The following AP1S3 variants were observed in gnomAD, a reference collection of about 807,000 sequenced individuals.
The protein encoded by AP1S3 is adaptor related protein complex 1 subunit sigma 3, also known as AP-1 complex subunit sigma-3.
Under a neutral mutation model 20.9 loss-of-function variants are expected in AP1S3, and 10 were observed. The ratio of observed to expected loss-of-function variants is 0.48; its 90% confidence interval spans 0.29 to 0.81. The LOEUF is 0.81. Ranked by LOEUF, AP1S3 falls within the 30% of genes least tolerant of loss-of-function variation. The probability of loss-of-function intolerance (pLI) is 0.08; values close to 1 mark genes in which losing one functional copy is unlikely to be tolerated. For missense variants in AP1S3, 154 were observed against 183.8 expected, an observed-to-expected ratio of 0.84 and a Z score of 0.94; for synonymous variants, 41 against 61.5, an observed-to-expected ratio of 0.67 and a Z score of 1.56.
In AP1S3 at chr2:223,756,531, A is replaced by G. The variant is rs1690226796; in HGVS notation, c.*2184T>C. On this transcript the variant is annotated 3_prime_UTR_variant, in exon 5 of 5. Coordinates refer to ENST00000396654, the MANE Select transcript of AP1S3 (RefSeq NM_001039569.2). ...ACACATTAAAAAGTTAAACCACAAA[A>G]CTGAAGGTTAGCTAAAGTAAACACA... 1 of 985,316 alleles carries G rather than the reference A, an allele frequency of 1.0e-6. No homozygotes were observed. Among genetic ancestry groups the G allele is most frequent in the East Asian group, 1.1e-4 (1 of 8,814 alleles). The allele number at this position is 985,316 out of a possible 1,614,324, so 61.0% of individuals were successfully genotyped here. A position where few individuals can be genotyped will look rare whatever the true frequency, so the allele number is the denominator to read the frequency against.
rs191980614 is a variant in AP1S3, at chr2:223,779,725, T to G, written c.4-1856A>C. ...GCTCACGCCTGTAATCCCAGCACTT[T>G]GGGAGGCCGAGGTGGGTGGATCACC... On this transcript the variant is annotated intron_variant, in intron 1 of 4. Coordinates refer to ENST00000396654, the MANE Select transcript of AP1S3 (RefSeq NM_001039569.2). 2.4e-3 allele frequency among the ~76,000 whole-genome samples: 371 copies of G among 152,240 alleles called. 1 individual carries two copies. Among genetic ancestry groups the G allele is most frequent in the Admixed American group, 5.1e-3 (78 of 15,288 alleles).
intron 3 of AP1S3, among the ~76,000 whole-genome samples, chr2:223,772,525 G>C (rs570843747): frequency 6.6e-6 from 1 of 152,272 alleles, no homozygotes; most frequent in South Asian, 2.1e-4. Flanking sequence ...TAAATCCTCA[G>C]ACTCTTATCT....
intron 1 of AP1S3, among the ~76,000 whole-genome samples, chr2:223,822,701 T>A (rs1692019353): frequency 1.3e-5 from 2 of 151,526 alleles, no homozygotes; most frequent in Non-Finnish European, 2.9e-5. Flanking sequence ...ATAAATAAAG[T>A]AAAAATAAAA....
At chr2:223,792,294 A>C (rs1691230542) in intron 1 of AP1S3, among the ~76,000 whole-genome samples, 1 of 146,236 alleles carries the variant, frequency 6.8e-6, no homozygotes, top group South Asian at 2.1e-4. Flanking sequence ...ACTATGCTAC[A>C]AGGCTATAAT....
intron 1 of AP1S3, among the ~76,000 whole-genome samples, chr2:223,778,111 G>GT (rs200511089): frequency 0.028 from 4,127 of 149,570 alleles, 178 homozygotes; most frequent in African/African-American, 0.093. Flanking sequence ...GTTTTTTTTT[G>GT]TTTTTTTTGT....
intron 1 of AP1S3, among the ~76,000 whole-genome samples, chr2:223,802,832 T>A (rs1382731472): frequency 6.6e-6 from 1 of 152,228 alleles, no homozygotes; most frequent in Non-Finnish European, 1.5e-5. Flanking sequence ...TTCTGGAAAC[T>A]AAATAATCTG....
At chr2:223,836,364 G>A (rs1260942121) in intron 1 of AP1S3, among the ~76,000 whole-genome samples, 1 of 152,194 alleles carries the variant, frequency 6.6e-6, no homozygotes, top group Admixed American at 6.5e-5. Context: ...CTCATCAGCA[G>A]GGCTGCGGCC....
At chr2:223,772,964 C>T (rs1329437840) in intron 3 of AP1S3, among the ~76,000 whole-genome samples, 2 of 152,156 alleles carry the variant, frequency 1.3e-5, no homozygotes, top group Non-Finnish European at 2.9e-5. Flanking sequence ...CTGCTCTTAG[C>T]TTAATGAAAG....
chr2:223,825,100 G>A (rs1692093576), intron 1 of AP1S3, among the ~76,000 whole-genome samples: 1 of 151,836 alleles, frequency 6.6e-6, no homozygotes, highest in East Asian at 2.0e-4. Context: ...ACGAGGTCAG[G>A]AGATCTAGAC....
intron 1 of AP1S3, among the ~76,000 whole-genome samples, chr2:223,782,001 G>C (rs576064848): frequency 1.3e-5 from 2 of 150,732 alleles, no homozygotes; most frequent in African/African-American, 4.9e-5. Flanking sequence ...TTTGGAGATA[G>C]GCTTTAAGTC....
At chr2:223,771,798 C>A (rs535301216) in intron 3 of AP1S3, among the ~76,000 whole-genome samples, 2 of 152,258 alleles carry the variant, frequency 1.3e-5, no homozygotes, top group African/African-American at 4.8e-5. Context: ...ATATAACTAC[C>A]ATAAAGCTAT....
intron 1 of AP1S3, among the ~76,000 whole-genome samples, chr2:223,786,656 C>A (rs578101890): frequency 6.6e-6 from 1 of 151,678 alleles, no homozygotes; most frequent in Non-Finnish European, 1.5e-5. Flanking sequence ...GTGGCTCACA[C>A]TTTGGGAGGC....
At chr2:223,777,081 A>C (rs1413958512) in intron 2 of AP1S3, among the ~76,000 whole-genome samples, 1 of 152,238 alleles carries the variant, frequency 6.6e-6, no homozygotes, top group East Asian at 1.9e-4. Context: ...TTGTTCAATG[A>C]TGTATCACAG....
chr2:223,787,197 A>G (rs1261340253), intron 1 of AP1S3, among the ~76,000 whole-genome samples: 1 of 152,100 alleles, frequency 6.6e-6, no homozygotes, highest in Non-Finnish European at 1.5e-5. Context: ...TTCAACCATG[A>G]TTGTAAGTTT....
intron 3 of AP1S3, among the ~76,000 whole-genome samples, chr2:223,774,922 A>G (rs11688639): frequency 0.65 from 98,608 of 151,518 alleles, 32,818 homozygotes; most frequent in East Asian, 0.81. Context: ...TTTCCAGGAC[A>G]GAGCGTCAGT....
chr2:223,767,043 G>A (rs10193487), intron 3 of AP1S3, among the ~76,000 whole-genome samples: 60,628 of 150,742 alleles, frequency 0.4, 13,080 homozygotes, highest in South Asian at 0.58. Flanking sequence ...ATCACACACC[G>A]GAGTGTGTTG....
chr2:223,755,936 A>G lies in AP1S3; in HGVS notation c.*2779T>C, dbSNP rs1021997862. The G allele has an allele frequency of 2.0e-6, 2 of 985,350 alleles. No individual in the cohort carries two copies. The highest frequency in any genetic ancestry group is 3.5e-5 in the African/African-American group (2 of 57,252). The allele number at this position is 985,350 out of a possible 1,614,324, so 61.0% of individuals were successfully genotyped here. ...ATCCAGAACATGTGTAGTATATTTG[A>G]ATGAGGTTCAAGAGATACCTTTATC... On this transcript the variant is annotated 3_prime_UTR_variant, in exon 5 of 5. Coordinates refer to ENST00000396654, the MANE Select transcript of AP1S3 (RefSeq NM_001039569.2).
chr2:223,804,816 G>T (rs1014868847), intron 1 of AP1S3, among the ~76,000 whole-genome samples: 1 of 152,038 alleles, frequency 6.6e-6, no homozygotes, highest in Non-Finnish European at 1.5e-5. Context: ...GGTAAAATCT[G>T]CAAATTATGT....
intron 3 of AP1S3, 63 bp from the exon 4 acceptor site, chr2:223,765,413 G>C: frequency 6.6e-7 from 1 of 1,524,254 alleles, no homozygotes. Context: ...ACATCTGCCC[G>C]AATCTCGAGC....
Sources: gnomAD v4.1 joint callset for allele counts (sites outside exome capture counted in the v4.1 genomes callset) on GRCh38, gnomAD v4.1.1 for gene constraint, MANE v1.5 for transcripts, NCBI Gene and HGNC (gene_info 2026-07-23, HGNC 2026-07-21) for gene names.